Variants in CTIF observed in about 807,000 individuals in gnomAD.
CTIF encodes the protein CBP80/20-dependent translation initiation factor.
A neutral mutation model predicts 66.0 loss-of-function variants in CTIF; 21 were observed. That is an observed-to-expected ratio of 0.32 (90% CI 0.23 to 0.46). CTIF has a LOEUF of 0.46. CTIF is among the 20% of genes least tolerant of loss of function. CTIF has a pLI of 1.00. For missense variants in CTIF, 739 were observed against 812.7 expected (o/e 0.91, Z 1.10); for synonymous variants, 345 against 326.4 (o/e 1.06, Z -0.62).
intron 9 of CTIF, among the ~76,000 whole-genome samples, chr18:48,766,661 T>C (rs1231540496): frequency 6.6e-6 from 1 of 152,246 alleles, no homozygotes; most frequent in Non-Finnish European, 1.5e-5. Flanking sequence ...ATGAATCAGC[T>C]GGCTCTGCCT....
At chr18:48,843,418 C>T (rs1301963538) in intron 10 of CTIF, among the ~76,000 whole-genome samples, 1 of 152,138 alleles carries the variant, frequency 6.6e-6, no homozygotes, top group East Asian at 1.9e-4. Flanking sequence ...TCAGGTGCCG[C>T]CTGCGAGCCA....
chr18:48,651,930 C>A (rs1250985015), intron 3 of CTIF, among the ~76,000 whole-genome samples: 2 of 152,196 alleles, frequency 1.3e-5, no homozygotes, highest in African/African-American at 4.8e-5. Context: ...AGAACAAAGA[C>A]ACAACGTACC....
intron 1 of CTIF, among the ~76,000 whole-genome samples, chr18:48,580,934 A>T (rs998108644): frequency 1.3e-5 from 2 of 152,234 alleles, no homozygotes; most frequent in African/African-American, 4.8e-5. Context: ...AGCTGCAGGC[A>T]TCGCGGCCCC....
At chr18:48,734,607 T>C (rs532988350) in intron 7 of CTIF, among the ~76,000 whole-genome samples, 43 of 152,294 alleles carry the variant, frequency 2.8e-4, no homozygotes, top group African/African-American at 5.1e-4. Context: ...CCAGGATTCA[T>C]TGGGGTTCAT....
At chr18:48,754,432 A>C (rs1908142224) in intron 7 of CTIF, among the ~76,000 whole-genome samples, 1 of 152,226 alleles carries the variant, frequency 6.6e-6, no homozygotes, top group African/African-American at 2.4e-5. Context: ...CACAGAGGCC[A>C]GTCCCAGCAA....
chr18:48,648,468 A>AACACACACAC (rs150332855), intron 3 of CTIF, among the ~76,000 whole-genome samples: 23,255 of 148,370 alleles, frequency 0.16, 2,178 homozygotes, highest in South Asian at 0.21. Flanking sequence ...CTTCGTTCTG[A>AACACACACAC]ACACACACAC....
At chr18:48,571,911 G>GGGCAGGCT (rs961718873) in intron 1 of CTIF, among the ~76,000 whole-genome samples, 6 of 152,304 alleles carry the variant, frequency 3.9e-5, no homozygotes, top group African/African-American at 1.4e-4. Flanking sequence ...GAGATCTGTA[G>GGGCAGGCT]GGCAGGCTGG....
chr18:48,695,507 T>C (rs1191891470), intron 6 of CTIF, among the ~76,000 whole-genome samples: 2 of 152,202 alleles, frequency 1.3e-5, no homozygotes, highest in African/African-American at 4.8e-5. Flanking sequence ...GGGAATAGGC[T>C]TTGATGTTAG....
At chr18:48,818,165 C>T (rs1365177506) in intron 10 of CTIF, among the ~76,000 whole-genome samples, 1 of 152,258 alleles carries the variant, frequency 6.6e-6, no homozygotes, top group Non-Finnish European at 1.5e-5. Flanking sequence ...TTCTACACCC[C>T]TCTGGCTGCT....
intron 9 of CTIF, among the ~76,000 whole-genome samples, chr18:48,766,682 G>A (rs79646752): frequency 0.067 from 10,148 of 152,218 alleles, 453 homozygotes; most frequent in Middle Eastern, 0.12. Flanking sequence ...GTCATGCCGC[G>A]AACCAGTCAA....
intron 7 of CTIF, among the ~76,000 whole-genome samples, chr18:48,749,935 C>G (rs1279063674): frequency 6.6e-6 from 1 of 152,166 alleles, no homozygotes; most frequent in Non-Finnish European, 1.5e-5. Flanking sequence ...GAGGGCCTTC[C>G]CCTGGAAACA....
intron 3 of CTIF, among the ~76,000 whole-genome samples, chr18:48,652,715 T>A (rs1399023423): frequency 6.6e-6 from 1 of 152,198 alleles, no homozygotes; most frequent in Non-Finnish European, 1.5e-5. Context: ...TGAACATCGA[T>A]GTGAAAATCC....
intron 1 of CTIF, among the ~76,000 whole-genome samples, chr18:48,611,988 T>A (rs1167076778): frequency 6.6e-6 from 1 of 152,168 alleles, no homozygotes; most frequent in Admixed American, 6.5e-5. Flanking sequence ...ACGTCAGATG[T>A]CCTTGACTCC....
At chr18:48,708,936 A>G (rs1425992459) in intron 6 of CTIF, among the ~76,000 whole-genome samples, 1 of 152,112 alleles carries the variant, frequency 6.6e-6, no homozygotes, top group Non-Finnish European at 1.5e-5. Flanking sequence ...GTCCTGGCAC[A>G]CTCAGCCCTG....
At chr18:48,760,795 T>C (rs892712965) in intron 8 of CTIF, 1 of 152,274 alleles carries the variant, frequency 6.6e-6, no homozygotes, top group African/African-American at 2.4e-5. Context: ...GAGGATTCCT[T>C]GGTGTGTGGC....
intron 1 of CTIF, among the ~76,000 whole-genome samples, chr18:48,585,259 G>A (rs1599187658): frequency 6.6e-6 from 1 of 152,232 alleles, no homozygotes; most frequent in Non-Finnish European, 1.5e-5. Context: ...CTATCTTTAT[G>A]TTGAAATATA....
At chr18:48,591,174 C>T (rs1568055202) in intron 1 of CTIF, among the ~76,000 whole-genome samples, 1 of 152,200 alleles carries the variant, frequency 6.6e-6, no homozygotes, top group Non-Finnish European at 1.5e-5. Flanking sequence ...ATCTCATGTT[C>T]TATAGCTCAG....
intron 6 of CTIF, among the ~76,000 whole-genome samples, chr18:48,711,155 C>T (rs1330328522): frequency 6.6e-6 from 1 of 152,172 alleles, no homozygotes; most frequent in East Asian, 1.9e-4. Flanking sequence ...TCAGGCTTCA[C>T]CTCCTTGGTC....
intron 9 of CTIF, among the ~76,000 whole-genome samples, chr18:48,782,999 ACC>A (rs1911384131): frequency 6.6e-6 from 1 of 152,080 alleles, no homozygotes; most frequent in Non-Finnish European, 1.5e-5. Flanking sequence ...TTCCCAGAAC[ACC>A]CCAGATTACA....
Sources: gnomAD v4.1 joint callset for allele counts (sites outside exome capture counted in the v4.1 genomes callset) on GRCh38, gnomAD v4.1.1 for gene constraint, MANE v1.5 for transcripts, NCBI Gene and HGNC (gene_info 2026-07-23, HGNC 2026-07-21) for gene names.